The following TRMT44 variants were observed in gnomAD, a reference collection of about 807,000 sequenced individuals.
The protein encoded by TRMT44 is tRNA methyltransferase 44 homolog.
TRMT44 carries 78 observed loss-of-function variants against 77.3 expected under a neutral mutation model. That is an observed-to-expected ratio of 1.01 (90% CI 0.84 to 1.22). The LOEUF (loss-of-function observed/expected upper bound fraction) is 1.22. Among genes scored for constraint, TRMT44 ranks in the 50% most tolerant of loss-of-function variants. TRMT44 has a pLI of 0.00. For synonymous variants in TRMT44, 391 were observed against 383.3 expected (o/e 1.02, Z -0.23); for missense variants, 1,090 against 964.4 (o/e 1.13, Z -1.73).
intron 2 of TRMT44, among the ~76,000 whole-genome samples, chr4:8,490,080 A>G (rs2109231547): frequency 6.6e-6 from 1 of 152,290 alleles, no homozygotes; most frequent in East Asian, 1.9e-4. Flanking sequence ...CACAGAGGCA[A>G]TTCAGCCCAC....
chr4:8,499,745 A>T, the TRMT44 span, among the ~76,000 whole-genome samples: 1 of 152,176 alleles, frequency 6.6e-6, no homozygotes, highest in Non-Finnish European at 1.5e-5. Flanking sequence ...GATCACAGAC[A>T]TGGGGACCTA....
At chr4:8,498,645 G>T in the TRMT44 span, among the ~76,000 whole-genome samples, 1 of 152,192 alleles carries the variant, frequency 6.6e-6, no homozygotes, top group Non-Finnish European at 1.5e-5. This position sits in a 1 kb window ranked among gnomAD's most constrained non-coding sequence, Gnocchi z 4.3. Context: ...CTGCCAGGGT[G>T]CTGAAGGAGG....
chr4:8,463,245 C>T (rs1033143639), intron 6 of TRMT44, among the ~76,000 whole-genome samples: 3 of 152,322 alleles, frequency 2.0e-5, no homozygotes, highest in Admixed American at 2.0e-4. Flanking sequence ...CCCCCTCTCT[C>T]TTTCCAGTTT....
chr4:8,472,618 GAGCTGAACTTGGCTTTC>G (rs1384346504), intron 10 of TRMT44, among the ~76,000 whole-genome samples: 1 of 152,230 alleles, frequency 6.6e-6, no homozygotes, highest in Non-Finnish European at 1.5e-5. Context: ...TGCTCCTGGA[GAGCTGAACTTGGCTTTC>G]AGCTGAACTG....
At chr4:8,473,317 C>G (rs2109189043) in intron 10 of TRMT44, 1 of 152,600 alleles carries the variant, frequency 6.6e-6, no homozygotes, top group East Asian at 1.9e-4. Context: ...GGTATGGAGC[C>G]TGGCACCGTG....
Position 8,446,934 on chromosome 4 carries a change from G to A in TRMT44, c.734+344G>A, listed in dbSNP as rs1725097628. On this transcript the variant is annotated intron_variant, in intron 2 of 10. Transcript: ENST00000389737. This position sits in a 1 kb window ranked among gnomAD's most constrained non-coding sequence, Gnocchi z 4.3. ...ACAGTCTTACACTGTTGCCCAGGCT[G>A]GAGTGCATTGGTGCCATCGCATTTC... 6.6e-6 allele frequency among the ~76,000 whole-genome samples: 1 copy of A among 152,174 alleles called. No homozygotes were observed. The highest frequency in any genetic ancestry group is 6.5e-5 in the Admixed American group (1 of 15,282).
the TRMT44 span, among the ~76,000 whole-genome samples, chr4:8,502,955 G>T: frequency 1.3e-5 from 2 of 152,208 alleles, no homozygotes; most frequent in Non-Finnish European, 2.9e-5. Flanking sequence ...ACAGACACAG[G>T]CACACACAGA....
intron 2 of TRMT44, among the ~76,000 whole-genome samples, chr4:8,487,720 C>A: frequency 6.6e-6 from 1 of 151,874 alleles, no homozygotes. Context: ...GGGTTCTTGC[C>A]CCTGCCTCAG....
chr4:8,501,771 G>T, the TRMT44 span, among the ~76,000 whole-genome samples: 1 of 152,098 alleles, frequency 6.6e-6, no homozygotes, highest in East Asian at 1.9e-4. This position sits in a 1 kb window ranked among gnomAD's most constrained non-coding sequence, Gnocchi z 4.4. Context: ...AGTGACTGGA[G>T]TCTCAAGGGC....
At chr4:8,464,772 T>C (rs1267793816) in intron 7 of TRMT44, among the ~76,000 whole-genome samples, 2 of 152,224 alleles carry the variant, frequency 1.3e-5, no homozygotes, top group African/African-American at 4.8e-5. Context: ...ATCATTTTTA[T>C]AAAAGTAATT....
chr4:8,462,456 C>G (rs1726221856), intron 6 of TRMT44, among the ~76,000 whole-genome samples: 1 of 151,730 alleles, frequency 6.6e-6, no homozygotes, highest in African/African-American at 2.4e-5. Flanking sequence ...CCTGTAATCC[C>G]AGCACTTTGG....
chr4:8,511,181 A>G, the TRMT44 span, among the ~76,000 whole-genome samples: 19 of 152,212 alleles, frequency 1.2e-4, no homozygotes, highest in Admixed American at 2.6e-4. Context: ...AGATGCCCGG[A>G]GTGCCGTGAG....
chr4:8,468,126 G>A lies in TRMT44; in HGVS notation c.1707G>A (p.Arg569=), dbSNP rs757333808. ...ALDARVGCVT[R]AWAAEHGAGP... The stretch of plus-strand genomic sequence containing the variant: ...ACGCCAGGGTCGGGTGTGTAACCAG[G>A]GCCTGGGCCGCTGAGCATGGAGCAG... The change falls in exon 9 of 11, where the codon AGG becomes AGA. Residue 569 remains arginine, a synonymous_variant. Coordinates refer to ENST00000389737, the MANE Select transcript of TRMT44 (RefSeq NM_152544.3). 2 of 1,613,820 alleles carry A rather than the reference G, an allele frequency of 1.2e-6. No homozygotes were observed. The highest frequency in any genetic ancestry group is 1.7e-6 in the Non-Finnish European group (2 of 1,179,994).
downstream of TRMT44, among the ~76,000 whole-genome samples, chr4:8,479,946 C>A (rs560506345): frequency 6.6e-6 from 1 of 152,060 alleles, no homozygotes; most frequent in African/African-American, 2.4e-5. Context: ...GGCGCCATCT[C>A]GGCTCACTAC....
At chr4:8,459,529 A>G (rs981445739) in intron 6 of TRMT44, among the ~76,000 whole-genome samples, 3 of 152,224 alleles carry the variant, frequency 2.0e-5, no homozygotes, top group African/African-American at 7.2e-5. Flanking sequence ...ATCTGTTTTC[A>G]GATTACAAAT....
chr4:8,467,071 C>G (rs1726611494), intron 8 of TRMT44, among the ~76,000 whole-genome samples: 1 of 152,206 alleles, frequency 6.6e-6, no homozygotes, highest in Non-Finnish European at 1.5e-5. Flanking sequence ...AGGGGACTGT[C>G]TGAAGGGCAC....
chr4:8,492,734 G>A (rs556553892), intron 2 of TRMT44, among the ~76,000 whole-genome samples: 61 of 152,280 alleles, frequency 4.0e-4, no homozygotes, highest in African/African-American at 1.4e-3. Context: ...AGATAGATGC[G>A]TCTCTGCCTG....
At chr4:8,485,590 G>A (rs916564992) in intron 2 of TRMT44, among the ~76,000 whole-genome samples, 4 of 152,136 alleles carry the variant, frequency 2.6e-5, no homozygotes, top group Non-Finnish European at 5.9e-5. Flanking sequence ...TCGGTTGCCA[G>A]GGAAGGAGTA....
intron 9 of TRMT44, among the ~76,000 whole-genome samples, chr4:8,470,711 G>T (rs1273132063): frequency 6.6e-6 from 1 of 152,012 alleles, no homozygotes; most frequent in Non-Finnish European, 1.5e-5. Flanking sequence ...AGGCTTGCCA[G>T]CTTGGCCTTC....
Sources: allele counts gnomAD v4.1 joint callset (sites outside exome capture counted in the v4.1 genomes callset), GRCh38; gene constraint gnomAD v4.1.1; non-coding constraint Gnocchi (gnomAD v3.1); transcripts MANE v1.5; gene names NCBI Gene and HGNC (gene_info 2026-07-23, HGNC 2026-07-21).